ZNF518A: variants seen among roughly 807,000 people sequenced by gnomAD.
ZNF518A encodes zinc finger protein 518A, also known as zinc finger protein 518.
A neutral mutation model predicts 102.7 loss-of-function variants in ZNF518A; 47 were observed. The ratio of observed to expected loss-of-function variants is 0.46; its 90% confidence interval spans 0.36 to 0.58. The LOEUF (loss-of-function observed/expected upper bound fraction) is 0.58, where lower values mean the gene tolerates loss of function less well. Ranked by LOEUF, ZNF518A falls within the 20% of genes least tolerant of loss-of-function variation. The pLI, the probability that ZNF518A is intolerant of heterozygous loss-of-function variation, is 0.00. For synonymous variants in ZNF518A, 652 were observed against 594.6 expected, an observed-to-expected ratio of 1.10 and a Z score of -1.40; for missense variants, 1,793 against 1,699.8, an observed-to-expected ratio of 1.05 and a Z score of -0.96.
chr10:96,168,664 C>T (rs375041375), downstream of ZNF518A, among the ~76,000 whole-genome samples: 17 of 152,152 alleles, frequency 1.1e-4, no homozygotes, highest in Non-Finnish European at 2.4e-4. Context: ...CCATTCAACA[C>T]TTCTAATATG....
chr10:96,139,490 C>T (rs1437602373), intron 3 of ZNF518A, among the ~76,000 whole-genome samples: 26 of 152,092 alleles, frequency 1.7e-4, no homozygotes, highest in Admixed American at 1.6e-3. Flanking sequence ...AAGATGGCCA[C>T]CTGTGAACCA....
intron 1 of ZNF518A, among the ~76,000 whole-genome samples, chr10:96,186,242 A>G (rs1489452429): frequency 6.6e-6 from 1 of 152,176 alleles, no homozygotes; most frequent in East Asian, 1.9e-4. Context: ...AACCAGTCGC[A>G]GTGAGATGAA....
At chr10:96,147,619 C>T (rs2082232965) in intron 3 of ZNF518A, among the ~76,000 whole-genome samples, 1 of 152,110 alleles carries the variant, frequency 6.6e-6, no homozygotes, top group Non-Finnish European at 1.5e-5. Context: ...AAGCTTTATG[C>T]CAGAATTCGA....
chr10:96,168,986 T>C (rs2083158647), intron 1 of ZNF518A, among the ~76,000 whole-genome samples: 1 of 152,202 alleles, frequency 6.6e-6, no homozygotes, highest in Non-Finnish European at 1.5e-5. Flanking sequence ...TTTTTCTCTC[T>C]TTCTGAGACT....
At chr10:96,132,048 A>G (rs587670186) in intron 1 of ZNF518A, among the ~76,000 whole-genome samples, 1 of 151,650 alleles carries the variant, frequency 6.6e-6, no homozygotes, top group Non-Finnish European at 1.5e-5. Flanking sequence ...GGAGACTTGA[A>G]TCTTGCCCAC....
At chr10:96,143,687 A>C (rs587650387) in intron 3 of ZNF518A, among the ~76,000 whole-genome samples, 1 of 152,220 alleles carries the variant, frequency 6.6e-6, no homozygotes, top group African/African-American at 2.4e-5. Flanking sequence ...CAAGAGTAGG[A>C]ATATATAGGC....
intron 1 of ZNF518A, among the ~76,000 whole-genome samples, chr10:96,190,790 A>G (rs1457056941): frequency 6.6e-6 from 1 of 152,148 alleles, no homozygotes; most frequent in Non-Finnish European, 1.5e-5. Flanking sequence ...CATTTCTGGG[A>G]TGATCTAAGA....
chr10:96,160,509 C>T lies in ZNF518A; in HGVS notation c.4187C>T (p.Pro1396Leu), dbSNP rs1564788028. The change falls in exon 6 of 6, where the codon CCT (proline) becomes CTT (leucine). Residue 1396 changes from proline to leucine, a missense_variant. By Grantham distance (98) the Pro-to-Leu change is moderately conservative (BLOSUM62 -3). Transcript: ENST00000316045. ...CTGAAACCAGTTTGTTATAACCCTCCTAAAACAACTTATGATGATTTTTCC... is the reference window on the plus strand; with the variant it reads ...CTGAAACCAGTTTGTTATAACCCTCTTAAAACAACTTATGATGATTTTTCC... ...ALLKPVCYNP[P>L]KTTYDDFSKR... is the part of the protein sequence containing the mutation. 2 of 1,612,670 alleles carry T rather than the reference C, an allele frequency of 1.2e-6. No individual in the cohort carries two copies. Among genetic ancestry groups the T allele is most frequent in the Admixed American group, 1.7e-5 (1 of 59,892 alleles).
At chr10:96,166,383 T>A (rs1292071780), downstream of ZNF518A, among the ~76,000 whole-genome samples, 2 of 152,186 alleles carry the variant, frequency 1.3e-5, no homozygotes, top group Non-Finnish European at 2.9e-5. Context: ...TGTAACAGAC[T>A]TCAGAGTATT....
At position 96,159,142 on chromosome 10, in the gene ZNF518A, A is replaced by G. The variant is rs782536555; in HGVS notation, c.2820A>G (p.Ile940Met). 4 of 1,612,682 alleles carry G rather than the reference A, an allele frequency of 2.5e-6. No homozygotes were observed. Among genetic ancestry groups the G allele is most frequent in the Non-Finnish European group, 3.4e-6 (4 of 1,179,520 alleles). ...TTCAGACTTCAAAAGGATTCTTAAT[A>G]CCATTGAACATTACTAACAAGCCTG... is the stretch of plus-strand genomic sequence containing the variant. ...IIVQTSKGFL[I>M]PLNITNKPGL... Residue 940 changes from isoleucine to methionine, a missense_variant, in exon 6 of 6, where the codon ATA becomes ATG. By Grantham distance (10) the Ile-to-Met change is conservative. Around this residue, in one of 3 missense-constraint regions of ZNF518A, gnomAD observed 1,741 missense variants for 1,622.6 expected, o/e 1.07. Coordinates refer to ENST00000316045, the MANE Select transcript of ZNF518A (RefSeq NM_001330736.2).
chr10:96,166,642 C>T (rs1554890412), downstream of ZNF518A, among the ~76,000 whole-genome samples: 1 of 152,172 alleles, frequency 6.6e-6, no homozygotes, highest in East Asian at 1.9e-4. Context: ...GCAGCGTGCA[C>T]CTGTAGTCCC....
intron 1 of ZNF518A, chr10:96,190,235 A>G: frequency 4.0e-6 from 3 of 747,462 alleles, no homozygotes; most frequent in Non-Finnish European, 7.3e-6. Flanking sequence ...GGCGGCACAC[A>G]CTTAGGTGGG....
downstream of ZNF518A, chr10:96,204,621 A>G: frequency 6.2e-7 from 1 of 1,613,624 alleles, no homozygotes; most frequent in Non-Finnish European, 8.5e-7. Flanking sequence ...GTTTTTCTGG[A>G]TCAGGAAAAT....
At chr10:96,171,977 A>G (rs190926718) in intron 1 of ZNF518A, among the ~76,000 whole-genome samples, 67 of 152,250 alleles carry the variant, frequency 4.4e-4, no homozygotes, top group Admixed American at 1.6e-3. Flanking sequence ...CAAGAAGGCT[A>G]AAGGGAAGTG....
intron 1 of ZNF518A, among the ~76,000 whole-genome samples, chr10:96,171,089 A>G (rs2083170651): frequency 6.6e-6 from 1 of 151,816 alleles, no homozygotes; most frequent in Admixed American, 6.6e-5. Context: ...TGTTGGTGGG[A>G]ATGCAAAATG....
chr10:96,159,176 G>A lies in ZNF518A; in HGVS notation c.2854G>A (p.Val952Ile), dbSNP rs1012361134. 1.2e-6 allele frequency: 2 copies of A among 1,613,746 alleles called. No homozygotes were observed. The highest frequency in any genetic ancestry group is 2.2e-5 in the East Asian group (1 of 44,882). Reference sequence around the variant, plus strand: ...CATTACTAACAAGCCTGGGCTACCAGTTATTCCTGGAAATGCACTTCCATT... The same window carrying A: ...CATTACTAACAAGCCTGGGCTACCAATTATTCCTGGAAATGCACTTCCATT... Reference protein sequence around the residue: ...LNITNKPGLPVIPGNALPLVN... With the variant: ...LNITNKPGLPIIPGNALPLVN... Residue 952 changes from valine (V) to isoleucine (I), a missense_variant, in exon 6 of 6, where the codon GTT becomes ATT. Transcript: ENST00000316045.
At chr10:96,202,273 G>A (rs2083664669) in intron 1 of ZNF518A, among the ~76,000 whole-genome samples, 1 of 152,152 alleles carries the variant, frequency 6.6e-6, no homozygotes, top group Admixed American at 6.5e-5. Flanking sequence ...TGTTTTAACA[G>A]GGTCATTCCA....
At chr10:96,175,568 C>A (rs2083198095) in intron 1 of ZNF518A, among the ~76,000 whole-genome samples, 1 of 152,106 alleles carries the variant, frequency 6.6e-6, no homozygotes, top group South Asian at 2.1e-4. Context: ...GCCAGCAAAC[C>A]ATAAGGCAGG....
At chr10:96,173,335 G>T (rs1247776157) in intron 1 of ZNF518A, among the ~76,000 whole-genome samples, 1 of 152,050 alleles carries the variant, frequency 6.6e-6, no homozygotes, top group Non-Finnish European at 1.5e-5. Context: ...CACAGTTCTA[G>T]TTTTTGTCCC....
Sources: allele counts gnomAD v4.1 joint callset (sites outside exome capture counted in the v4.1 genomes callset), GRCh38; gene constraint gnomAD v4.1.1; regional missense constraint gnomAD v4.1.1; transcripts MANE v1.5; gene names NCBI Gene and HGNC (gene_info 2026-07-23, HGNC 2026-07-21).